TEC: variants seen among roughly 807,000 people sequenced by gnomAD.
TEC encodes the protein tec protein tyrosine kinase.
TEC carries 72 observed loss-of-function variants against 93.0 expected under a neutral mutation model. The observed-to-expected ratio is 0.77, with a 90% CI of 0.64 to 0.94. TEC has a LOEUF of 0.94. Among genes scored for constraint, TEC ranks in the 40% least tolerant of loss-of-function variants. The pLI, the probability that TEC is intolerant of heterozygous loss-of-function variation, is 0.00. For synonymous variants in TEC, 249 were observed against 247.7 expected (o/e 1.01, Z -0.05); for missense variants, 630 against 757.9 (o/e 0.83, Z 1.98).
intron 1 of TEC, among the ~76,000 whole-genome samples, chr4:48,229,528 C>G (rs1345083874): frequency 6.6e-6 from 1 of 152,254 alleles, no homozygotes; most frequent in Non-Finnish European, 1.5e-5. Context: ...GTGGCTCACG[C>G]CTGTTATCCC....
intron 1 of TEC, among the ~76,000 whole-genome samples, chr4:48,261,133 G>T (rs1364716695): frequency 6.6e-6 from 1 of 152,096 alleles, no homozygotes; most frequent in African/African-American, 2.4e-5. Context: ...TTCTGGCTAG[G>T]ACTCCAGAAC....
chr4:48,267,372 G>T (rs1724665973), intron 1 of TEC, among the ~76,000 whole-genome samples: 1 of 152,200 alleles, frequency 6.6e-6, no homozygotes, highest in Non-Finnish European at 1.5e-5. Flanking sequence ...AGAATTGGTT[G>T]AGCTGGGGTA....
intron 1 of TEC, among the ~76,000 whole-genome samples, chr4:48,230,099 TAA>T (rs1723603190): frequency 7.3e-6 from 1 of 137,836 alleles, no homozygotes; most frequent in Non-Finnish European, 1.6e-5. Flanking sequence ...ATAATAATAA[TAA>T]TAAATAAATA....
intron 1 of TEC, among the ~76,000 whole-genome samples, chr4:48,230,627 T>C (rs1723620195): frequency 6.6e-6 from 1 of 152,168 alleles, no homozygotes; most frequent in African/African-American, 2.4e-5. Flanking sequence ...GCCATTTCAC[T>C]CATCAGAAAT....
chr4:48,152,737 T>C (rs951763598), intron 9 of TEC, among the ~76,000 whole-genome samples: 1 of 152,132 alleles, frequency 6.6e-6, no homozygotes, highest in African/African-American at 2.4e-5. Flanking sequence ...TGCCTCTCAC[T>C]GTAGGGTCTC....
At chr4:48,220,236 T>A (rs561177895) in intron 2 of TEC, among the ~76,000 whole-genome samples, 18 of 151,758 alleles carry the variant, frequency 1.2e-4, no homozygotes, top group African/African-American at 4.3e-4. Context: ...TTCTGAGTAC[T>A]CCCTCTGCCC....
chr4:48,186,415 T>G (rs1222586354), intron 2 of TEC, among the ~76,000 whole-genome samples: 1 of 136,884 alleles, frequency 7.3e-6, no homozygotes, highest in East Asian at 2.3e-4. Flanking sequence ...AAGTGAGGAG[T>G]GTCTCTGCCT....
intron 2 of TEC, among the ~76,000 whole-genome samples, chr4:48,181,609 G>A (rs570396435): frequency 1.3e-5 from 2 of 151,468 alleles, no homozygotes; most frequent in Admixed American, 1.3e-4. Context: ...GGAGGCAGAG[G>A]TTGCAGTGAG....
chr4:48,269,266 C>T (rs932742356), intron 1 of TEC, among the ~76,000 whole-genome samples: 1 of 152,222 alleles, frequency 6.6e-6, no homozygotes, highest in Non-Finnish European at 1.5e-5. Flanking sequence ...ATACATGTGC[C>T]ATGTTGGTGT....
At chr4:48,143,346 T>C (rs1719764568) in intron 14 of TEC, among the ~76,000 whole-genome samples, 1 of 152,250 alleles carries the variant, frequency 6.6e-6, no homozygotes, top group Non-Finnish European at 1.5e-5. Flanking sequence ...TGGACAGGTG[T>C]AATCTGCCAC....
At chr4:48,171,998 A>T (rs1213059244) in intron 3 of TEC, among the ~76,000 whole-genome samples, 1 of 152,242 alleles carries the variant, frequency 6.6e-6, no homozygotes, top group Non-Finnish European at 1.5e-5. Context: ...TAACTTCAGC[A>T]GATACCACTC....
intron 2 of TEC, among the ~76,000 whole-genome samples, chr4:48,214,006 T>C (rs1048858721): frequency 8.5e-5 from 13 of 152,198 alleles, no homozygotes; most frequent in East Asian, 5.8e-4. Context: ...TGGAACAAAA[T>C]TATGTGGGGA....
chr4:48,145,443 G>A lies in TEC; in HGVS notation c.1218C>T (p.Cys406=), dbSNP rs961818658. 1.4e-5 allele frequency: 22 copies of A among 1,614,050 alleles called. No homozygotes were observed. The highest frequency in any genetic ancestry group is 1.6e-4 in the Middle Eastern group (1 of 6,062). Residue 406 remains cysteine, a synonymous_variant, in exon 13 of 18, where the codon TGC becomes TGT. Coordinates refer to ENST00000381501, the MANE Select transcript of TEC (RefSeq NM_003215.3). ...AIKAIREGAM[C]EEDFIEEAKV... ...TAGCTTCTTCTATAAAGTCCTCCTCGCACATTGCACCTTCCCGAATAGCTT... is the reference window on the plus strand; with the variant it reads ...TAGCTTCTTCTATAAAGTCCTCCTCACACATTGCACCTTCCCGAATAGCTT...
chr4:48,218,808 A>G (rs999263053), intron 2 of TEC, among the ~76,000 whole-genome samples: 1 of 152,180 alleles, frequency 6.6e-6, no homozygotes, highest in African/African-American at 2.4e-5. Flanking sequence ...AGGGTGTTTG[A>G]GACTCATGTC....
chr4:48,188,674 CATACTT>C (rs747236659), intron 2 of TEC, among the ~76,000 whole-genome samples: 4 of 152,180 alleles, frequency 2.6e-5, no homozygotes, highest in Non-Finnish European at 5.9e-5. Context: ...TGTGCATTCA[CATACTT>C]ATACAAGTAC....
intron 2 of TEC, among the ~76,000 whole-genome samples, chr4:48,220,235 C>T (rs944477976): frequency 3.3e-5 from 5 of 151,620 alleles, no homozygotes; most frequent in Admixed American, 6.6e-5. Flanking sequence ...GTTCTGAGTA[C>T]TCCCTCTGCC....
intron 7 of TEC, among the ~76,000 whole-genome samples, chr4:48,166,220 C>A (rs999152777): frequency 2.3e-5 from 3 of 133,256 alleles, no homozygotes; most frequent in Admixed American, 8.4e-5. Flanking sequence ...AGAGCCAGGG[C>A]AGGAGGGAAG....
intron 2 of TEC, among the ~76,000 whole-genome samples, chr4:48,224,254 A>G (rs868084882): frequency 6.6e-6 from 1 of 151,716 alleles, no homozygotes; most frequent in South Asian, 2.1e-4. Flanking sequence ...TAAGAGATCC[A>G]AAGTCCAATT....
In TEC at chr4:48,137,292, AT is replaced by A. The variant is rs869231922; in HGVS notation, c.*123del. The stretch of plus-strand genomic sequence containing the variant: ...ACAGAGGCTGGTCTAGAAGCAAATT[AT>A]TTATGTGTTTCCACTGTATAAGTAA... On this transcript the variant is annotated 3_prime_UTR_variant, in exon 18 of 18. Transcript: ENST00000381501. The A allele has an allele frequency of 3.4e-6, 1 of 297,798 alleles. No individual in the cohort carries two copies. Among genetic ancestry groups the A allele is most frequent in the Non-Finnish European group, 5.4e-6 (1 of 183,636 alleles). 18.4% of individuals were successfully genotyped at this position (297,798 alleles called of 1,614,324 possible).
Sources: allele counts gnomAD v4.1 joint callset (sites outside exome capture counted in the v4.1 genomes callset), GRCh38; gene constraint gnomAD v4.1.1; transcripts MANE v1.5; gene names NCBI Gene and HGNC (gene_info 2026-07-23, HGNC 2026-07-21).